Variants in TAS2R1 observed in about 807,000 individuals in gnomAD.
TAS2R1 encodes the protein taste 2 receptor member 1, also known as taste receptor type 2 member 1.
For synonymous variants in TAS2R1, 141 were observed against 134.2 expected (o/e 1.05, Z -0.35); for missense variants, 370 against 353.4 (o/e 1.05, Z -0.38).
the TAS2R1 span, among the ~76,000 whole-genome samples, chr5:9,852,792 C>T: frequency 1.1e-3 from 170 of 152,132 alleles, no homozygotes; most frequent in South Asian, 6.2e-3. Flanking sequence ...TGATTTTCAG[C>T]TTGGCTTGAC....
At chr5:9,852,612 A>G in the TAS2R1 span, among the ~76,000 whole-genome samples, 1 of 152,228 alleles carries the variant, frequency 6.6e-6, no homozygotes, top group Non-Finnish European at 1.5e-5. Flanking sequence ...CACACGTGTT[A>G]AGCAATTATA....
chr5:9,873,178 C>G, the TAS2R1 span, among the ~76,000 whole-genome samples: 1 of 152,008 alleles, frequency 6.6e-6, no homozygotes, highest in Non-Finnish European at 1.5e-5. Context: ...CTGCTGAGAC[C>G]CAGGCCCCCA....
At chr5:9,775,862 A>G in the TAS2R1 span, among the ~76,000 whole-genome samples, 2 of 152,296 alleles carry the variant, frequency 1.3e-5, no homozygotes, top group Middle Eastern at 6.8e-3. Flanking sequence ...TCAAGAAAAA[A>G]ATAAATAAAA....
chr5:9,836,314 C>G, the TAS2R1 span, among the ~76,000 whole-genome samples: 1 of 152,104 alleles, frequency 6.6e-6, no homozygotes, highest in South Asian at 2.1e-4. Flanking sequence ...TTTGGAACTT[C>G]AGTGTTAAAT....
At chr5:9,753,788 C>T in the TAS2R1 span, among the ~76,000 whole-genome samples, 88 of 152,280 alleles carry the variant, frequency 5.8e-4, no homozygotes, top group African/African-American at 1.9e-3. Context: ...TTCCCAGCAC[C>T]ATTTATTAAA....
At chr5:9,820,345 T>C in the TAS2R1 span, among the ~76,000 whole-genome samples, 1 of 152,198 alleles carries the variant, frequency 6.6e-6, no homozygotes, top group East Asian at 1.9e-4. Context: ...AGAACGCCTA[T>C]CTCTGCTTTG....
At chr5:9,642,407 G>A (rs1028040670) in intron 2 of TAS2R1, among the ~76,000 whole-genome samples, 1 of 152,120 alleles carries the variant, frequency 6.6e-6, no homozygotes, top group African/African-American at 2.4e-5. Flanking sequence ...AACCAACCCA[G>A]ACATCCTTTC....
At chr5:9,897,908 A>C in the TAS2R1 span, among the ~76,000 whole-genome samples, 1 of 152,190 alleles carries the variant, frequency 6.6e-6, no homozygotes, top group Non-Finnish European at 1.5e-5. Context: ...ACAACACTTA[A>C]AGAGGAAACA....
intron 1 of TAS2R1, among the ~76,000 whole-genome samples, chr5:9,666,945 C>G (rs978582594): frequency 6.6e-6 from 1 of 151,508 alleles, no homozygotes; most frequent in African/African-American, 2.4e-5. Flanking sequence ...GTAGAGATAG[C>G]GATATTAACT....
chr5:9,682,827 A>C (rs564827157), intron 1 of TAS2R1, among the ~76,000 whole-genome samples: 4 of 152,272 alleles, frequency 2.6e-5, no homozygotes, highest in African/African-American at 9.6e-5. Flanking sequence ...CCCAAACTAA[A>C]GGGTGTGGTT....
chr5:9,897,310 G>A, the TAS2R1 span, among the ~76,000 whole-genome samples: 6,823 of 152,128 alleles, frequency 0.045, 191 homozygotes, highest in Non-Finnish European at 0.07. Flanking sequence ...TTAGCTGGGC[G>A]TGGTGGCGCA....
At chr5:9,761,771 C>T in the TAS2R1 span, among the ~76,000 whole-genome samples, 25 of 152,286 alleles carry the variant, frequency 1.6e-4, no homozygotes, top group Admixed American at 1.3e-3. Context: ...TGCACAGCTC[C>T]GTAATCATGA....
At chr5:9,852,724 G>T in the TAS2R1 span, among the ~76,000 whole-genome samples, 1 of 152,174 alleles carries the variant, frequency 6.6e-6, no homozygotes, top group African/African-American at 2.4e-5. Context: ...ATGAGGATAC[G>T]TGGGTTCATT....
At chr5:9,632,207 T>C (rs1427913143), upstream of TAS2R1, among the ~76,000 whole-genome samples, 1 of 152,242 alleles carries the variant, frequency 6.6e-6, no homozygotes, top group Non-Finnish European at 1.5e-5. Flanking sequence ...GTTATGTTGA[T>C]ACTAAACTGT....
the TAS2R1 span, among the ~76,000 whole-genome samples, chr5:9,730,012 G>A: frequency 6.6e-6 from 1 of 152,194 alleles, no homozygotes; most frequent in African/African-American, 2.4e-5. Flanking sequence ...TCCTGGGAAA[G>A]GAAATTGAGA....
At chr5:9,851,203 C>G in the TAS2R1 span, among the ~76,000 whole-genome samples, 1 of 151,840 alleles carries the variant, frequency 6.6e-6, no homozygotes, top group Non-Finnish European at 1.5e-5. Flanking sequence ...GAGAATGATA[C>G]ACTCAACATC....
chr5:9,629,064 T>C lies in TAS2R1; in HGVS notation c.*69A>G. 1 of 1,461,244 alleles carries C rather than the reference T, an allele frequency of 6.8e-7. No individual in the cohort carries two copies. 90.5% of individuals were successfully genotyped at this position (1,461,244 alleles called of 1,614,324 possible). A position where few individuals can be genotyped will look rare whatever the true frequency, so the allele number is the denominator to read the frequency against. On this transcript the variant is annotated 3_prime_UTR_variant, in exon 1 of 1. Transcript: ENST00000382492. ...TTATGAACAGGCTGCTTTGTCTGGCTGAGGGAAGTGTGGCAGGCATGGGTA... is the reference window on the plus strand; with the variant it reads ...TTATGAACAGGCTGCTTTGTCTGGCCGAGGGAAGTGTGGCAGGCATGGGTA...
chr5:9,857,135 G>A, the TAS2R1 span, among the ~76,000 whole-genome samples: 1 of 152,156 alleles, frequency 6.6e-6, no homozygotes, highest in African/African-American at 2.4e-5. Context: ...GGTAACCAAA[G>A]GTTGGGAAGG....
chr5:9,764,558 A>G, the TAS2R1 span, among the ~76,000 whole-genome samples: 1 of 152,228 alleles, frequency 6.6e-6, no homozygotes. Flanking sequence ...CTACCAGAAA[A>G]TGACAAATCT....
Sources: allele counts gnomAD v4.1 joint callset (sites outside exome capture counted in the v4.1 genomes callset), GRCh38; gene constraint gnomAD v4.1.1; transcripts MANE v1.5; gene names NCBI Gene and HGNC (gene_info 2026-07-23, HGNC 2026-07-21).